Variants in POU3F3 observed in about 807,000 individuals in gnomAD.
POU3F3 encodes POU domain, class 3, transcription factor 3.
POU3F3 carries 1 observed loss-of-function variant against 8.6 expected under a neutral mutation model. The ratio of observed to expected loss-of-function variants is 0.12; its 90% confidence interval spans 0.04 to 0.55. The LOEUF (loss-of-function observed/expected upper bound fraction) is 0.55, where lower values mean the gene tolerates loss of function less well. Among genes scored for constraint, POU3F3 ranks in the 20% least tolerant of loss-of-function variants. The pLI is 0.91. For synonymous variants in POU3F3, 418 were observed against 327.4 expected (o/e 1.28, Z -2.99); for missense variants, 577 against 690.7 (o/e 0.84, Z 1.84).
the POU3F3 span, among the ~76,000 whole-genome samples, chr2:104,910,050 C>T: frequency 1.3e-5 from 2 of 152,272 alleles, no homozygotes; most frequent in Non-Finnish European, 2.9e-5. Context: ...TTCACCATTT[C>T]GTCATTTTTG....
At chr2:104,911,912 C>G in the POU3F3 span, among the ~76,000 whole-genome samples, 1 of 152,046 alleles carries the variant, frequency 6.6e-6, no homozygotes, top group Non-Finnish European at 1.5e-5. Context: ...CAAATACAAG[C>G]TGATATATAA....
chr2:104,892,687 GTA>G, the POU3F3 span, among the ~76,000 whole-genome samples: 15 of 151,056 alleles, frequency 9.9e-5, 1 homozygote, highest in South Asian at 3.0e-3. Flanking sequence ...GTGTGTGTGT[GTA>G]TATATATATG....
chr2:104,864,426 A>G, the POU3F3 span, among the ~76,000 whole-genome samples: 1 of 152,198 alleles, frequency 6.6e-6, no homozygotes, highest in East Asian at 1.9e-4. Context: ...AAACCCCACA[A>G]CTGACTCCAT....
the POU3F3 span, among the ~76,000 whole-genome samples, chr2:104,890,220 C>T: frequency 6.6e-6 from 1 of 152,168 alleles, no homozygotes; most frequent in Non-Finnish European, 1.5e-5. Flanking sequence ...CCTGGCCTCT[C>T]CTGTTCCTGG....
the POU3F3 span, among the ~76,000 whole-genome samples, chr2:104,881,780 T>C: frequency 1.3e-5 from 2 of 152,232 alleles, no homozygotes; most frequent in African/African-American, 4.8e-5. Flanking sequence ...CAGGAACGCA[T>C]GTGCTTTCCT....
At chr2:104,926,458 G>C in the POU3F3 span, among the ~76,000 whole-genome samples, 2 of 152,168 alleles carry the variant, frequency 1.3e-5, no homozygotes, top group East Asian at 1.9e-4. Context: ...AGAAACAACA[G>C]CTGCTTTAGA....
the POU3F3 span, among the ~76,000 whole-genome samples, chr2:104,910,738 T>A: frequency 6.6e-6 from 1 of 152,122 alleles, no homozygotes; most frequent in African/African-American, 2.4e-5. Flanking sequence ...GAGATTAAGT[T>A]GATGTTAAGA....
At chr2:104,913,062 G>A in the POU3F3 span, among the ~76,000 whole-genome samples, 3 of 152,172 alleles carry the variant, frequency 2.0e-5, no homozygotes, top group African/African-American at 7.2e-5. Flanking sequence ...CTGGGTGAAT[G>A]GCCACGGGAT....
chr2:104,882,708 C>T, the POU3F3 span, among the ~76,000 whole-genome samples: 1 of 152,188 alleles, frequency 6.6e-6, no homozygotes, highest in Non-Finnish European at 1.5e-5. Context: ...TCTATGAATT[C>T]TATCATCTTC....
the POU3F3 span, among the ~76,000 whole-genome samples, chr2:104,901,794 C>T: frequency 5.9e-3 from 898 of 152,328 alleles, 14 homozygotes; most frequent in African/African-American, 0.02. Flanking sequence ...GAAAACAGCA[C>T]GGAAAATAAC....
chr2:104,904,610 A>T, the POU3F3 span, among the ~76,000 whole-genome samples: 1 of 152,140 alleles, frequency 6.6e-6, no homozygotes, highest in Non-Finnish European at 1.5e-5. Context: ...AGGAACATTT[A>T]TAGTGTTCCT....
At chr2:104,891,886 A>G in the POU3F3 span, among the ~76,000 whole-genome samples, 1 of 152,210 alleles carries the variant, frequency 6.6e-6, no homozygotes, top group Non-Finnish European at 1.5e-5. Flanking sequence ...GGCACAAACC[A>G]TCTGAGTTTT....
chr2:104,904,342 T>C, the POU3F3 span, among the ~76,000 whole-genome samples: 1 of 152,276 alleles, frequency 6.6e-6, no homozygotes, highest in Non-Finnish European at 1.5e-5. Context: ...GTCTATCATA[T>C]GTCACCAACA....
chr2:104,927,474 G>T, the POU3F3 span, among the ~76,000 whole-genome samples: 1 of 152,076 alleles, frequency 6.6e-6, no homozygotes, highest in Non-Finnish European at 1.5e-5. Flanking sequence ...TAAAAAATGG[G>T]TCAGGTGCAG....
chr2:104,856,450 G>A lies in POU3F3; in HGVS notation c.940G>A (p.Glu314Lys). 6.2e-7 allele frequency: 1 copy of A among 1,612,564 alleles called. No individual in the cohort carries two copies. The highest frequency in any genetic ancestry group is 8.5e-7 in the Non-Finnish European group (1 of 1,179,770). The change falls in exon 1 of 1, where the codon GAG becomes AAG. Residue 314 changes from glutamate (E) to lysine (K), a missense_variant. Physicochemically the swap from Glu to Lys is moderately conservative, Grantham distance 56. Transcript: ENST00000361360. ...GLNSHDPHSD[E>K]DTPTSDDLEQ... is the part of the protein sequence containing the mutation. ...CAACAGCCACGACCCGCACTCGGACGAGGACACGCCGACGTCGGACGACCT... is the reference window on the plus strand; with the variant it reads ...CAACAGCCACGACCCGCACTCGGACAAGGACACGCCGACGTCGGACGACCT...
chr2:104,916,251 T>A, the POU3F3 span, among the ~76,000 whole-genome samples: 8 of 152,208 alleles, frequency 5.3e-5, no homozygotes, highest in African/African-American at 1.9e-4. Context: ...TTATACATTA[T>A]CTATCTAACT....
the POU3F3 span, chr2:104,868,395 G>A: frequency 8.8e-6 from 4 of 456,492 alleles, no homozygotes; most frequent in Non-Finnish European, 1.8e-5. Flanking sequence ...ACACAACTCT[G>A]GGAAAGGGGT....
At chr2:104,907,732 G>T in the POU3F3 span, among the ~76,000 whole-genome samples, 1 of 152,012 alleles carries the variant, frequency 6.6e-6, no homozygotes, top group African/African-American at 2.4e-5. Flanking sequence ...TAAAAATTTT[G>T]CCTCCTTCTT....
the POU3F3 span, among the ~76,000 whole-genome samples, chr2:104,906,707 A>C: frequency 1.3e-5 from 2 of 152,180 alleles, no homozygotes; most frequent in South Asian, 4.1e-4. Flanking sequence ...TTCTCCATAT[A>C]GATTTTGGAC....
Sources: allele counts gnomAD v4.1 joint callset (sites outside exome capture counted in the v4.1 genomes callset), GRCh38; gene constraint gnomAD v4.1.1; transcripts MANE v1.5; gene names NCBI Gene and HGNC (gene_info 2026-07-23, HGNC 2026-07-21).